The following HAUS7 variants were observed in gnomAD, a reference collection of about 807,000 sequenced individuals.
HAUS7 encodes HAUS augmin-like complex subunit 7.
Under a neutral mutation model 28.4 loss-of-function variants are expected in HAUS7, and 3 were observed. That is an observed-to-expected ratio of 0.11 (90% CI 0.05 to 0.27). The LOEUF is 0.27. Ranked by LOEUF, HAUS7 falls within the 10% of genes least tolerant of loss-of-function variation. The pLI, the probability that HAUS7 is intolerant of heterozygous loss-of-function variation, is 1.00. For missense variants in HAUS7, 284 were observed against 297.3 expected, an observed-to-expected ratio of 0.96 and a Z score of 0.33; for synonymous variants, 165 against 132.1, an observed-to-expected ratio of 1.25 and a Z score of -1.71.
chrX:153,462,235 CG>C, intron 4 of HAUS7: 1 of 735,968 alleles, frequency 1.4e-6, no homozygotes, highest in Non-Finnish European at 1.6e-6. Context: ...TGAGGGACCT[CG>C]GGAGAAACTC....
intron 1 of HAUS7, among the ~76,000 whole-genome samples, chrX:153,493,716 C>T (rs782050704): frequency 4.5e-5 from 5 of 111,300 alleles, no homozygotes; most frequent in African/African-American, 1.6e-4. Context: ...CCTGGGCTGC[C>T]GCTGGTGAAC....
intron 4 of HAUS7, among the ~76,000 whole-genome samples, chrX:153,458,525 T>C (rs1224645363): frequency 8.9e-6 from 1 of 112,760 alleles, no homozygotes; most frequent in African/African-American, 3.2e-5. Flanking sequence ...CTTTCCACTT[T>C]CAGGCCATTA....
rs2089602276 is a variant in HAUS7, at chrX:153,481,867, G to T, written c.-588-10722C>A. Reference sequence around the variant, plus strand: ...TTCCTGGGGCTGCCCAACCTGGAGTGGCTGGATCTCAGCAAGAACAAGCTG... The same window carrying T: ...TTCCTGGGGCTGCCCAACCTGGAGTTGCTGGATCTCAGCAAGAACAAGCTG... On this transcript the variant is annotated intron_variant, in intron 1 of 5. Transcript: ENST00000370210. 29 of 753,996 alleles carry T rather than the reference G, an allele frequency of 3.8e-5. No homozygotes were observed. The South Asian group carries it at 1.2e-3, about 32-fold the overall frequency. 62.1% of individuals were successfully genotyped at this position (753,996 alleles called of 1,213,427 possible). A position where few individuals can be genotyped will look rare whatever the true frequency, so the allele number is the denominator to read the frequency against.
In HAUS7 at chrX:153,479,197, G is replaced by A. The variant is rs782595642; in HGVS notation, c.-588-8052C>T. On this transcript the variant is annotated intron_variant, in intron 1 of 5. Coordinates refer to the HAUS7 transcript ENST00000370210. ...TCAGGGAGCAAGACCAACTTGTGCC[G>A]TCCGCCATCGTCCTGCCGTGGCCAC... 5.3e-5 allele frequency: 14 copies of A among 264,897 alleles called. 1 individual carries two copies. Among genetic ancestry groups the A allele is most frequent in the African/African-American group, 2.7e-4 (9 of 33,663 alleles). 21.8% of individuals were successfully genotyped at this position (264,897 alleles called of 1,213,427 possible).
Position 153,482,735 on chromosome X carries a change from G to A in HAUS7, c.-588-11590C>T. On this transcript the variant is annotated intron_variant, in intron 1 of 5. Transcript: ENST00000370210. ...CTGCAGGGCTCAGCCAGCTGTTGAC[G>A]CTGGAGGTGGAAGGGAACCAGCTGC... 5 of 756,690 alleles carry A rather than the reference G, an allele frequency of 6.6e-6. No homozygotes were observed. In the South Asian group the frequency reaches 2.0e-4, roughly 30 times the overall value. 62.4% of individuals were successfully genotyped at this position (756,690 alleles called of 1,213,427 possible).
intron 1 of HAUS7, chrX:153,486,052 C>A: frequency 1.0e-6 from 1 of 966,109 alleles, no homozygotes; most frequent in Non-Finnish European, 1.3e-6. Context: ...GCCTCCTGGG[C>A]CTCAAGGGAC....
intron 1 of HAUS7, among the ~76,000 whole-genome samples, chrX:153,493,049 C>T (rs1204188539): frequency 1.8e-5 from 2 of 112,239 alleles, no homozygotes; most frequent in Non-Finnish European, 1.9e-5. Context: ...GCTTACCACA[C>T]GATTTGCGCA....
At chrX:153,490,086 G>A (rs989199602) in intron 1 of HAUS7, among the ~76,000 whole-genome samples, 2 of 112,783 alleles carry the variant, frequency 1.8e-5, no homozygotes, top group South Asian at 7.3e-4. Flanking sequence ...TCCCACCAGA[G>A]CCTCCTGGTG....
intron 9 of HAUS7, among the ~76,000 whole-genome samples, 184 bp downstream of exon 9, chrX:153,454,210 T>C (rs992398076): frequency 5.3e-5 from 6 of 112,642 alleles, no homozygotes; most frequent in Non-Finnish European, 7.5e-5. Flanking sequence ...TTTTCTACGA[T>C]GAGCGTTTTC....
At chrX:153,491,478 C>G (rs1035122360) in intron 1 of HAUS7, among the ~76,000 whole-genome samples, 10 of 112,733 alleles carry the variant, frequency 8.9e-5, no homozygotes, top group Admixed American at 3.7e-4. Flanking sequence ...TAGATCCCTG[C>G]GCCCTGCCTC....
At position 153,462,641 on chromosome X, in the gene HAUS7, A is replaced by G; in HGVS notation, c.323T>C (p.Leu108Pro). Residue 108 changes from leucine to proline, a missense_variant, in exon 4 of 10, where the codon CTG (leucine) becomes CCG (proline). Physicochemically the swap from Leu to Pro is moderately conservative, Grantham distance 98 (BLOSUM62 -3). Coordinates refer to ENST00000370211, the MANE Select transcript of HAUS7 (RefSeq NM_001385482.1). ...EMTKLGHELMLCAPDDQELLK... is the reference protein window; with the variant it reads ...EMTKLGHELMPCAPDDQELLK... ...GAGCTCCTGGTCATCTGGCGCACAC[A>G]GCATCAGCTCGTGGCCCAGCTTCGT... The G allele has an allele frequency of 1.7e-6, 2 of 1,208,012 alleles. No individual in the cohort carries two copies. Among genetic ancestry groups the G allele is most frequent in the Non-Finnish European group, 2.2e-6 (2 of 891,547 alleles).
At chrX:153,459,365 T>C (rs1556982925) in intron 4 of HAUS7, among the ~76,000 whole-genome samples, 1 of 112,482 alleles carries the variant, frequency 8.9e-6, no homozygotes. Context: ...ACTTTCTTCA[T>C]GGTGTCCTTT....
At chrX:153,476,451 GTA>G (rs201613465) in intron 1 of HAUS7, among the ~76,000 whole-genome samples, 1 of 112,047 alleles carries the variant, frequency 8.9e-6, no homozygotes, top group East Asian at 2.8e-4. Flanking sequence ...CTTGTAGAGG[GTA>G]TGTGTGTGCA....
Position 153,465,033 on chromosome X carries a change from T to C in HAUS7, c.247A>G (p.Arg83Gly), listed in dbSNP as rs1484300661. The change falls in exon 3 of 10, where the codon AGG becomes GGG. Residue 83 changes from arginine (R) to glycine (G), a missense_variant. Arg to Gly is a moderately radical substitution (Grantham distance 125). Coordinates refer to ENST00000370211, the MANE Select transcript of HAUS7 (RefSeq NM_001385482.1). ...CTRVWPSLQD[R>G]FSSLKGVPTE... The stretch of plus-strand genomic sequence containing the variant: ...GGGACCCCTTTCAGTGAGCTGAACC[T>C]GTCCTGCAGTGAGGGCCAGACCCTG... 9.2e-6 allele frequency: 11 copies of C among 1,198,534 alleles called. No homozygotes were observed. The highest frequency in any genetic ancestry group is 1.2e-5 in the Non-Finnish European group (11 of 884,959).
intron 1 of HAUS7, among the ~76,000 whole-genome samples, chrX:153,494,228 G>A (rs1385898102): frequency 5.3e-5 from 6 of 112,284 alleles, no homozygotes; most frequent in African/African-American, 1.3e-4. Flanking sequence ...AGAGGAAGTG[G>A]CCACCCACAG....
intron 1 of HAUS7, among the ~76,000 whole-genome samples, chrX:153,481,210 T>G (rs1556987233): frequency 1.8e-5 from 2 of 112,588 alleles, no homozygotes. Flanking sequence ...GCCTTTGCCC[T>G]TGGTGCCAAG....
intron 1 of HAUS7, 143 bp downstream of exon 1, chrX:153,470,307 C>G (rs2089504566): frequency 3.6e-6 from 2 of 548,304 alleles, no homozygotes; most frequent in Non-Finnish European, 3.0e-6. Context: ...ACAAGCACCC[C>G]CTGCTGCAAG....
intron 1 of HAUS7, among the ~76,000 whole-genome samples, chrX:153,476,912 A>G (rs1352407456): frequency 8.9e-6 from 1 of 112,280 alleles, no homozygotes; most frequent in Non-Finnish European, 1.9e-5. Flanking sequence ...GCAAGGCAGA[A>G]ACTTGCCGGG....
upstream of HAUS7, among the ~76,000 whole-genome samples, chrX:153,472,188 C>G (rs908686482): frequency 1.6e-4 from 18 of 111,504 alleles, no homozygotes; most frequent in Non-Finnish European, 3.4e-4. Flanking sequence ...GGAAGAAAAT[C>G]TCCCTCCTCC....
Sources: allele counts gnomAD v4.1 joint callset (sites outside exome capture counted in the v4.1 genomes callset), GRCh38; gene constraint gnomAD v4.1.1; transcripts MANE v1.5; gene names NCBI Gene and HGNC (gene_info 2026-07-23, HGNC 2026-07-21).